Variants in KLRF1 observed in about 807,000 individuals in gnomAD.
The protein encoded by KLRF1 is killer cell lectin like receptor F1, also known as killer cell lectin-like receptor subfamily F member 1.
KLRF1 carries 27 observed loss-of-function variants against 30.7 expected under a neutral mutation model. That is an observed-to-expected ratio of 0.88 (90% CI 0.65 to 1.21). The LOEUF (loss-of-function observed/expected upper bound fraction) is 1.21. KLRF1 is among the 50% of genes most tolerant of loss of function. The pLI is 0.00. For missense variants in KLRF1, 246 were observed against 259.3 expected (o/e 0.95, Z 0.35); for synonymous variants, 92 against 89.3 (o/e 1.03, Z -0.17).
At chr12:9,826,218 G>A (rs1228302887), upstream of KLRF1, among the ~76,000 whole-genome samples, 2 of 151,972 alleles carry the variant, frequency 1.3e-5, no homozygotes, top group Admixed American at 1.3e-4. Context: ...TCTTCACCCA[G>A]GTATTAACCC....
intron 5 of KLRF1, 22 bp from the exon 6 acceptor site, chr12:9,844,396 G>T: frequency 1.6e-6 from 2 of 1,243,538 alleles, no homozygotes; most frequent in Non-Finnish European, 2.4e-6. Context: ...GATTAACAAA[G>T]TATTTATTCT....
At chr12:9,822,137 A>G in the KLRF1 span, among the ~76,000 whole-genome samples, 4 of 152,248 alleles carry the variant, frequency 2.6e-5, no homozygotes, top group South Asian at 4.1e-4. Flanking sequence ...TGACTGCGCT[A>G]GTTATCCAAC....
upstream of KLRF1, among the ~76,000 whole-genome samples, chr12:9,822,926 A>G (rs376035596): frequency 1.7e-4 from 26 of 152,364 alleles, no homozygotes; most frequent in African/African-American, 6.0e-4. Flanking sequence ...TAACTATCCC[A>G]AATATATATG....
chr12:9,840,354 GA>G (rs1332166570), intron 3 of KLRF1, among the ~76,000 whole-genome samples: 1 of 151,956 alleles, frequency 6.6e-6, no homozygotes, highest in Non-Finnish European at 1.5e-5. Context: ...GTTACGTGAA[GA>G]AAAATAATCA....
the KLRF1 span, among the ~76,000 whole-genome samples, chr12:9,812,233 C>T: frequency 6.6e-6 from 1 of 151,978 alleles, no homozygotes; most frequent in African/African-American, 2.4e-5. Context: ...GACGTGGTGG[C>T]GGGCGCCTGT....
chr12:9,831,907 C>T (rs956284012), intron 1 of KLRF1, among the ~76,000 whole-genome samples: 3 of 152,024 alleles, frequency 2.0e-5, no homozygotes, highest in African/African-American at 7.2e-5. Flanking sequence ...AAAAAAGGCT[C>T]AAAGGACTTG....
At chr12:9,813,947 C>G in the KLRF1 span, among the ~76,000 whole-genome samples, 7 of 152,248 alleles carry the variant, frequency 4.6e-5, no homozygotes, top group East Asian at 1.4e-3. Context: ...CCTCCTGGAC[C>G]AGGCTATTTG....
intron 5 of KLRF1, among the ~76,000 whole-genome samples, chr12:9,843,131 C>T (rs1415005228): frequency 6.6e-6 from 1 of 151,998 alleles, no homozygotes; most frequent in Non-Finnish European, 1.5e-5. Context: ...TCACAAGGGT[C>T]CTTAGAAGAG....
At chr12:9,839,392 T>C (rs1867655531) in intron 3 of KLRF1, among the ~76,000 whole-genome samples, 1 of 152,062 alleles carries the variant, frequency 6.6e-6, no homozygotes, top group South Asian at 2.1e-4. Context: ...AAACATTCAG[T>C]TCATAAAGTT....
At chr12:9,829,976 GC>G (rs1184457766) in intron 1 of KLRF1, among the ~76,000 whole-genome samples, 1 of 152,114 alleles carries the variant, frequency 6.6e-6, no homozygotes, top group Non-Finnish European at 1.5e-5. Context: ...ACCCGATGTA[GC>G]TTTTACGTCT....
At chr12:9,831,721 C>T (rs1238757511) in intron 1 of KLRF1, among the ~76,000 whole-genome samples, 9 of 152,088 alleles carry the variant, frequency 5.9e-5, no homozygotes, top group African/African-American at 2.2e-4. Flanking sequence ...TGAACAAGCA[C>T]TCTTATCTTA....
the KLRF1 span, among the ~76,000 whole-genome samples, chr12:9,806,095 A>C: frequency 6.6e-6 from 1 of 151,004 alleles, no homozygotes; most frequent in Non-Finnish European, 1.5e-5. Context: ...TTTTACTTTA[A>C]TATTATTATT....
At chr12:9,813,564 C>T in the KLRF1 span, among the ~76,000 whole-genome samples, 1 of 151,978 alleles carries the variant, frequency 6.6e-6, no homozygotes. Flanking sequence ...ATTTTTCCCC[C>T]GAGAGAGGCT....
the KLRF1 span, among the ~76,000 whole-genome samples, chr12:9,804,383 G>A: frequency 2.6e-5 from 4 of 151,726 alleles, no homozygotes; most frequent in African/African-American, 9.7e-5. Flanking sequence ...TCACATTATG[G>A]GTTATCCTTT....
chr12:9,819,459 G>T, the KLRF1 span, among the ~76,000 whole-genome samples: 10 of 152,210 alleles, frequency 6.6e-5, no homozygotes, highest in African/African-American at 2.2e-4. Flanking sequence ...CTTAGCCATT[G>T]TTGCCAAAAT....
chr12:9,831,368 G>A (rs1399854926), intron 1 of KLRF1, among the ~76,000 whole-genome samples: 2 of 152,112 alleles, frequency 1.3e-5, no homozygotes, highest in Non-Finnish European at 2.9e-5. Flanking sequence ...GGTTCATCAT[G>A]TGCTTTCTTG....
chr12:9,801,802 T>C, the KLRF1 span, among the ~76,000 whole-genome samples: 1 of 152,156 alleles, frequency 6.6e-6, no homozygotes, highest in Admixed American at 6.6e-5. Context: ...GTAGGTTGCC[T>C]GTTCACTCTG....
At chr12:9,819,275 G>A in the KLRF1 span, among the ~76,000 whole-genome samples, 3 of 152,144 alleles carry the variant, frequency 2.0e-5, no homozygotes, top group South Asian at 4.1e-4. Flanking sequence ...TAGGAAAGGG[G>A]CTGAATCCAA....
At chr12:9,821,247 C>G in the KLRF1 span, among the ~76,000 whole-genome samples, 1 of 152,046 alleles carries the variant, frequency 6.6e-6, no homozygotes, top group Admixed American at 6.5e-5. Flanking sequence ...TGCCCCACCC[C>G]CATGGCTGAA....
Sources: gnomAD v4.1 joint callset for allele counts (sites outside exome capture counted in the v4.1 genomes callset) on GRCh38, gnomAD v4.1.1 for gene constraint, MANE v1.5 for transcripts, NCBI Gene and HGNC (gene_info 2026-07-23, HGNC 2026-07-21) for gene names.